EPB41L5: variants seen among roughly 807,000 people sequenced by gnomAD.
EPB41L5 encodes band 4.1-like protein 5.
EPB41L5 carries 55 observed loss-of-function variants against 106.6 expected under a neutral mutation model. That is an observed-to-expected ratio of 0.52 (90% CI 0.42 to 0.65). EPB41L5 has a LOEUF of 0.65. Ranked by LOEUF, EPB41L5 falls within the 30% of genes least tolerant of loss-of-function variation. The pLI, the probability that EPB41L5 is intolerant of heterozygous loss-of-function variation, is 0.00. For missense variants in EPB41L5, 871 were observed against 882.1 expected (o/e 0.99, Z 0.16); for synonymous variants, 297 against 306.7 (o/e 0.97, Z 0.33).
chr2:120,053,515 A>C (rs891568018), intron 3 of EPB41L5, among the ~76,000 whole-genome samples: 1 of 152,082 alleles, frequency 6.6e-6, no homozygotes, highest in African/African-American at 2.4e-5. Context: ...ACCCCTCCCC[A>C]CAGCATCTGG....
At chr2:120,040,873 T>A (rs1489598044) in intron 2 of EPB41L5, among the ~76,000 whole-genome samples, 1 of 152,102 alleles carries the variant, frequency 6.6e-6, no homozygotes, top group Non-Finnish European at 1.5e-5. Flanking sequence ...AGGCAGAGAT[T>A]GATATGATAA....
chr2:120,052,505 CTT>C (rs149005679), intron 3 of EPB41L5, among the ~76,000 whole-genome samples: 1 of 152,270 alleles, frequency 6.6e-6, no homozygotes, highest in African/African-American at 2.4e-5. Flanking sequence ...TATGTTGAGA[CTT>C]TTCCTCATCA....
chr2:120,060,837 C>T (rs1680988951), intron 3 of EPB41L5, among the ~76,000 whole-genome samples: 1 of 151,978 alleles, frequency 6.6e-6, no homozygotes, highest in South Asian at 2.1e-4. Context: ...CAGGACCGGG[C>T]CTCTTCTTAC....
At chr2:120,024,710 C>T (rs766853480) in intron 2 of EPB41L5, among the ~76,000 whole-genome samples, 35 of 152,296 alleles carry the variant, frequency 2.3e-4, no homozygotes, top group Non-Finnish European at 3.4e-4. Context: ...CCGCCCACTT[C>T]GGCCTCCCAA....
At chr2:120,105,946 A>G in intron 16 of EPB41L5, 1 of 985,402 alleles carries the variant, frequency 1.0e-6, no homozygotes, top group South Asian at 4.7e-5. Context: ...GTAAAAACCA[A>G]AGAGGCACAA....
chr2:120,104,017 C>T lies in EPB41L5; in HGVS notation c.1337+3203C>T, dbSNP rs1295795417. On this transcript the variant is annotated intron_variant, in intron 16 of 24. Transcript: ENST00000263713. ...CTTACACATCCATTTTCTCCTATTCCTATTGACTAACTGTGCTCCCCTCCC... is the reference window on the plus strand; with the variant it reads ...CTTACACATCCATTTTCTCCTATTCTTATTGACTAACTGTGCTCCCCTCCC... The T allele has an allele frequency of 2.0e-6, 3 of 1,480,324 alleles. No individual in the cohort carries two copies. The South Asian group carries it at 4.1e-5, about 20-fold the overall frequency. The allele number at this position is 1,480,324 out of a possible 1,614,324, so 91.7% of individuals were successfully genotyped here.
intron 3 of EPB41L5, among the ~76,000 whole-genome samples, chr2:120,062,615 T>G (rs1365959545): frequency 6.6e-6 from 1 of 152,186 alleles, no homozygotes; most frequent in East Asian, 1.9e-4. Flanking sequence ...CTAGATAGTG[T>G]TGTTTTGTTT....
intron 16 of EPB41L5, among the ~76,000 whole-genome samples, chr2:120,121,165 A>C (rs1005125443): frequency 6.6e-6 from 1 of 152,110 alleles, no homozygotes; most frequent in African/African-American, 2.4e-5. Context: ...GGACTCTACT[A>C]TGGTCTGAAA....
At chr2:120,101,673 T>C (rs1282077393) in intron 16 of EPB41L5, 1 of 152,352 alleles carries the variant, frequency 6.6e-6, no homozygotes, top group African/African-American at 2.4e-5. Context: ...TCTTCCTTCA[T>C]GGTGGTGGCT....
At chr2:120,164,477 G>T (rs550346100) in intron 21 of EPB41L5, among the ~76,000 whole-genome samples, 1 of 152,176 alleles carries the variant, frequency 6.6e-6, no homozygotes, top group African/African-American at 2.4e-5. Flanking sequence ...CTCTCAGAGC[G>T]CTAGGATTAC....
chr2:120,167,337 G>A (rs998890558), intron 22 of EPB41L5, 129 bp from the exon 23 acceptor site: 26 of 727,580 alleles, frequency 3.6e-5, no homozygotes, highest in African/African-American at 1.1e-4. Context: ...GTCAGCTCAA[G>A]GAACACCATT....
At chr2:120,038,236 A>G (rs1000726287) in intron 2 of EPB41L5, among the ~76,000 whole-genome samples, 4 of 152,356 alleles carry the variant, frequency 2.6e-5, no homozygotes, top group African/African-American at 9.6e-5. Flanking sequence ...TCTCCAAAGA[A>G]CATATATAAA....
intron 2 of EPB41L5, among the ~76,000 whole-genome samples, chr2:120,039,013 T>A (rs112985464): frequency 6.6e-6 from 1 of 152,202 alleles, no homozygotes; most frequent in African/African-American, 2.4e-5. Flanking sequence ...AATTTTGATA[T>A]ATTTTGCAAT....
intron 10 of EPB41L5, among the ~76,000 whole-genome samples, chr2:120,078,908 T>G (rs1682438073): frequency 6.6e-6 from 1 of 152,208 alleles, no homozygotes. Context: ...ATATTTATTA[T>G]TCCACAATCC....
intron 20 of EPB41L5, 52 bp from the exon 21 acceptor site, chr2:120,160,829 G>T (rs1687109099): frequency 1.5e-6 from 2 of 1,336,248 alleles, no homozygotes; most frequent in South Asian, 1.2e-5. Flanking sequence ...TGAAAATCCT[G>T]CCTGTACCTG....
intron 16 of EPB41L5, among the ~76,000 whole-genome samples, chr2:120,117,523 A>C (rs1005257245): frequency 6.6e-6 from 1 of 152,238 alleles, no homozygotes; most frequent in Non-Finnish European, 1.5e-5. Flanking sequence ...GCATTTGACC[A>C]GCAGAGTATG....
intron 17 of EPB41L5, among the ~76,000 whole-genome samples, chr2:120,130,164 G>T (rs1178862537): frequency 6.6e-6 from 1 of 151,622 alleles, no homozygotes; most frequent in African/African-American, 2.4e-5. Context: ...AAAAAAAAGG[G>T]TTCCTAAGAG....
At chr2:120,167,336 A>G (rs748335545) in intron 22 of EPB41L5, 130 bp from the exon 23 acceptor site, 159 of 723,366 alleles carry the variant, frequency 2.2e-4, no homozygotes, top group Non-Finnish European at 3.1e-4. Context: ...TGTCAGCTCA[A>G]GGAACACCAT....
intron 3 of EPB41L5, among the ~76,000 whole-genome samples, chr2:120,065,997 C>T (rs1057371095): frequency 2.6e-5 from 4 of 151,958 alleles, no homozygotes; most frequent in Non-Finnish European, 5.9e-5. Flanking sequence ...TTTTCTTCTT[C>T]CCTGTTTGAG....
Sources: allele counts gnomAD v4.1 joint callset (sites outside exome capture counted in the v4.1 genomes callset), GRCh38; gene constraint gnomAD v4.1.1; transcripts MANE v1.5; gene names NCBI Gene and HGNC (gene_info 2026-07-23, HGNC 2026-07-21).